Variants in C1orf87 observed in about 807,000 individuals in gnomAD.
The protein encoded by C1orf87 is uncharacterized protein C1orf87.
A neutral mutation model predicts 60.5 loss-of-function variants in C1orf87; 58 were observed. The observed-to-expected ratio is 0.96, with a 90% CI of 0.78 to 1.19. The LOEUF is 1.19. Among genes scored for constraint, C1orf87 ranks in the 50% most tolerant of loss-of-function variants. The pLI is 0.00. For missense variants in C1orf87, 673 were observed against 638.6 expected (o/e 1.05, Z -0.58); for synonymous variants, 236 against 227.4 (o/e 1.04, Z -0.34).
chr1:60,031,475 T>C (rs1485689403), intron 7 of C1orf87, among the ~76,000 whole-genome samples: 1 of 152,214 alleles, frequency 6.6e-6, no homozygotes, highest in Non-Finnish European at 1.5e-5. Context: ...TCTGCCCTGA[T>C]AACCAGACCT....
intron 5 of C1orf87, among the ~76,000 whole-genome samples, chr1:60,038,580 G>A (rs905175134): frequency 6.6e-6 from 1 of 151,948 alleles, no homozygotes; most frequent in Non-Finnish European, 1.5e-5. Flanking sequence ...AGATTTTGGG[G>A]TTATTACTAT....
At chr1:60,059,606 T>C (rs1018801237) in intron 2 of C1orf87, among the ~76,000 whole-genome samples, 3 of 152,004 alleles carry the variant, frequency 2.0e-5, no homozygotes, top group Admixed American at 2.0e-4. Flanking sequence ...AAGGTAGGGA[T>C]CCCCCGCTGG....
At chr1:60,052,332 A>T (rs1024460763) in intron 3 of C1orf87, among the ~76,000 whole-genome samples, 1 of 129,846 alleles carries the variant, frequency 7.7e-6, no homozygotes, top group Non-Finnish European at 1.7e-5. Flanking sequence ...GATATAAACA[A>T]TATGTATTTT....
At chr1:60,061,961 A>G (rs1010888304) in intron 2 of C1orf87, among the ~76,000 whole-genome samples, 1 of 152,000 alleles carries the variant, frequency 6.6e-6, no homozygotes, top group African/African-American at 2.4e-5. Flanking sequence ...TAAGAAAAGC[A>G]GTGCCTATGT....
At chr1:60,046,866 C>T (rs1041979887) in intron 3 of C1orf87, among the ~76,000 whole-genome samples, 1 of 152,188 alleles carries the variant, frequency 6.6e-6, no homozygotes, top group Non-Finnish European at 1.5e-5. Context: ...TCTGGCACCC[C>T]TATGCTGTTT....
At chr1:60,026,059 A>G (rs755234848) in intron 7 of C1orf87, among the ~76,000 whole-genome samples, 2 of 152,164 alleles carry the variant, frequency 1.3e-5, no homozygotes, top group African/African-American at 2.4e-5. Context: ...GGTGTCATTG[A>G]AGTTTCCCAA....
At chr1:60,000,992 A>C (rs531485701) in intron 10 of C1orf87, 85 bp downstream of exon 10, 1 of 1,119,058 alleles carries the variant, frequency 8.9e-7, no homozygotes, top group African/African-American at 1.6e-5. Context: ...CAAAACCCAC[A>C]GGAGAGAGCC....
At chr1:60,024,620 G>A (rs7527734) in intron 8 of C1orf87, among the ~76,000 whole-genome samples, 2,289 of 152,194 alleles carry the variant, frequency 0.015, 45 homozygotes, top group African/African-American at 0.052. Flanking sequence ...ACTCCTCTGT[G>A]CTGTGCATTT....
intron 1 of C1orf87, among the ~76,000 whole-genome samples, chr1:60,073,023 G>A (rs1182804063): frequency 2.0e-5 from 3 of 152,178 alleles, no homozygotes; most frequent in Non-Finnish European, 4.4e-5. Flanking sequence ...GAATTCCAGT[G>A]AGGTCAGAGC....
intron 11 of C1orf87, among the ~76,000 whole-genome samples, chr1:59,995,876 TG>T (rs1273835000): frequency 6.6e-6 from 1 of 152,238 alleles, no homozygotes; most frequent in Non-Finnish European, 1.5e-5. Context: ...GTTTGTTTAC[TG>T]GCACTGAACT....
Position 59,990,570 on chromosome 1 carries a change from C to A in C1orf87, c.*103G>T. 7.1e-7 allele frequency: 1 copy of A among 1,399,728 alleles called. No homozygotes were observed. Among genetic ancestry groups the A allele is most frequent in the Non-Finnish European group, 9.8e-7 (1 of 1,023,786 alleles). The allele number at this position is 1,399,728 out of a possible 1,614,324, so 86.7% of individuals were successfully genotyped here. ...TCTACAATAGCTGCATCGGCCTCCACTCTGACAATGCCTCCGCCACTACAC... is the reference window on the plus strand; with the variant it reads ...TCTACAATAGCTGCATCGGCCTCCAATCTGACAATGCCTCCGCCACTACAC... On this transcript the variant is annotated 3_prime_UTR_variant, in exon 12 of 12. Transcript: ENST00000371201.
At chr1:60,049,210 A>T (rs1290273018) in intron 3 of C1orf87, among the ~76,000 whole-genome samples, 1 of 152,016 alleles carries the variant, frequency 6.6e-6, no homozygotes, top group Non-Finnish European at 1.5e-5. Flanking sequence ...TCATTGTAGC[A>T]GTGTATCTGT....
chr1:60,046,692 C>A (rs1161825403), intron 3 of C1orf87, among the ~76,000 whole-genome samples: 1 of 152,058 alleles, frequency 6.6e-6, no homozygotes, highest in Non-Finnish European at 1.5e-5. Context: ...CCTACCTTGA[C>A]CCCCTCAAAG....
chr1:59,999,628 T>C (rs1410033443), intron 10 of C1orf87, among the ~76,000 whole-genome samples: 2 of 152,156 alleles, frequency 1.3e-5, no homozygotes, highest in Non-Finnish European at 2.9e-5. Context: ...ACTAACAATG[T>C]AACTAATACA....
At chr1:60,017,944 G>C (rs1645135429) in intron 8 of C1orf87, among the ~76,000 whole-genome samples, 1 of 152,188 alleles carries the variant, frequency 6.6e-6, no homozygotes, top group African/African-American at 2.4e-5. Context: ...ACAGTTTAAG[G>C]AGGAAGCACA....
intron 3 of C1orf87, among the ~76,000 whole-genome samples, chr1:60,053,039 C>T (rs1267546201): frequency 6.6e-6 from 1 of 152,144 alleles, no homozygotes; most frequent in East Asian, 1.9e-4. Context: ...CCCTGTACTG[C>T]CGAGCTAGCA....
At chr1:60,015,007 C>T (rs1645115830) in intron 8 of C1orf87, among the ~76,000 whole-genome samples, 1 of 152,126 alleles carries the variant, frequency 6.6e-6, no homozygotes, top group Non-Finnish European at 1.5e-5. Context: ...TCAAGGGAAA[C>T]AAAATATGCC....
At chr1:60,003,697 A>G (rs1038891157) in intron 9 of C1orf87, among the ~76,000 whole-genome samples, 4 of 152,084 alleles carry the variant, frequency 2.6e-5, no homozygotes, top group Admixed American at 2.6e-4. Flanking sequence ...GTGATTTCAT[A>G]ACCTTCTTTG....
At position 60,039,930 on chromosome 1, in the gene C1orf87, C is replaced by A. The variant is rs1645308294; in HGVS notation, c.734G>T (p.Gly245Val). The change falls in exon 5 of 12, where the codon GGT becomes GTT. Residue 245 changes from glycine to valine, a missense_variant. Physicochemically the swap from Gly to Val is moderately radical, Grantham distance 109. Transcript: ENST00000371201. Reference protein sequence around the residue: ...KILCQRFSKRGSPEMVNYEKL... With the variant: ...KILCQRFSKRVSPEMVNYEKL... Reference sequence around the variant, plus strand: ...CAATTGCCATACCATTTCAGGAGAACCCCTCTTAGAAAATCTCTGACAAAG... The same window carrying A: ...CAATTGCCATACCATTTCAGGAGAAACCCTCTTAGAAAATCTCTGACAAAG... 2 of 1,613,544 alleles carry A rather than the reference C, an allele frequency of 1.2e-6. No homozygotes were observed. Among genetic ancestry groups the A allele is most frequent in the East Asian group, 4.5e-5 (2 of 44,882 alleles).
Sources: gnomAD v4.1 joint callset for allele counts (sites outside exome capture counted in the v4.1 genomes callset) on GRCh38, gnomAD v4.1.1 for gene constraint, MANE v1.5 for transcripts, NCBI Gene and HGNC (gene_info 2026-07-23, HGNC 2026-07-21) for gene names.